USP14: variants seen among roughly 807,000 people sequenced by gnomAD.
USP14 encodes the protein ubiquitin specific peptidase 14.
A neutral mutation model predicts 76.5 loss-of-function variants in USP14; 38 were observed. The observed-to-expected ratio is 0.50, with a 90% confidence interval of 0.38 to 0.65. The LOEUF is 0.65. Ranked by LOEUF, USP14 falls within the 30% of genes least tolerant of loss-of-function variation. The pLI is 0.00. For missense variants in USP14, 467 were observed against 586.5 expected (o/e 0.80, Z 2.10); for synonymous variants, 192 against 191.7 (o/e 1.00, Z -0.01).
chr18:179,283 C>G (rs916184012), intron 4 of USP14, among the ~76,000 whole-genome samples: 5 of 151,782 alleles, frequency 3.3e-5, no homozygotes, highest in Admixed American at 1.3e-4. Flanking sequence ...TTTCAGACTT[C>G]CAAGTGAATT....
intron 3 of USP14, among the ~76,000 whole-genome samples, chr18:168,634 A>G (rs1909347571): frequency 6.7e-6 from 1 of 150,330 alleles, no homozygotes. Flanking sequence ...AGGGTTTCGC[A>G]ACGTTGGCCA....
At chr18:197,527 T>C in intron 7 of USP14, 89 bp from the exon 8 acceptor site, 1 of 1,018,158 alleles carries the variant, frequency 9.8e-7, no homozygotes, top group South Asian at 1.5e-5. Flanking sequence ...GAAACCACTT[T>C]CTTGCCTAGG....
At chr18:171,025 A>ATATATATATATATAT (rs1555762344) in intron 3 of USP14, among the ~76,000 whole-genome samples, 48 of 47,594 alleles carry the variant, frequency 1.0e-3, no homozygotes, top group East Asian at 2.8e-3. Flanking sequence ...AAAAAAAAAA[A>ATATATATATATATAT]ATATATATAT....
intron 13 of USP14, 112 bp downstream of exon 13, chr18:204,804 G>A (rs1311233454): frequency 8.4e-7 from 1 of 1,194,186 alleles, no homozygotes; most frequent in Non-Finnish European, 1.1e-6. Flanking sequence ...ACTATACTTT[G>A]TATAGTATTA....
At chr18:184,653 C>T (rs1429460030) in intron 5 of USP14, among the ~76,000 whole-genome samples, 1 of 152,074 alleles carries the variant, frequency 6.6e-6, no homozygotes. Flanking sequence ...GCCTGTAGTC[C>T]CAGCTACTCA....
chr18:204,208 C>A (rs62073493), intron 12 of USP14, among the ~76,000 whole-genome samples: 1 of 151,092 alleles, frequency 6.6e-6, no homozygotes, highest in Admixed American at 6.6e-5. Flanking sequence ...AAAAAAAAAC[C>A]ATAAGTTTAT....
chr18:166,749 AGTG>A (rs1909282607), intron 2 of USP14, 35 bp from the exon 3 acceptor site: 1 of 1,600,864 alleles, frequency 6.2e-7, no homozygotes, highest in Non-Finnish European at 8.6e-7. Flanking sequence ...CAGCTTGTAC[AGTG>A]GTGGTTAAAT....
At chr18:200,128 C>T (rs1165327134) in intron 10 of USP14, among the ~76,000 whole-genome samples, 1 of 152,182 alleles carries the variant, frequency 6.6e-6, no homozygotes, top group Non-Finnish European at 1.5e-5. Context: ...TTTTAAAGCA[C>T]TCAAGAAATG....
At chr18:204,440 G>T (rs1910469968) in intron 12 of USP14, 124 bp from the exon 13 acceptor site, 1 of 915,878 alleles carries the variant, frequency 1.1e-6, no homozygotes, top group Non-Finnish European at 1.5e-6. Context: ...ATTTCCAAGT[G>T]ATTTTCACAG....
intron 6 of USP14, among the ~76,000 whole-genome samples, chr18:194,606 G>A (rs1057091509): frequency 6.6e-6 from 1 of 152,072 alleles, no homozygotes; most frequent in Non-Finnish European, 1.5e-5. Context: ...CTAACAATAA[G>A]GACATTCATA....
At chr18:179,321 G>A (rs1354782244) in intron 4 of USP14, among the ~76,000 whole-genome samples, 3 of 151,650 alleles carry the variant, frequency 2.0e-5, no homozygotes, top group Non-Finnish European at 4.4e-5. Context: ...CATATATTTA[G>A]CTAATATCTG....
rs762045934 is a variant in USP14, at chr18:204,609, C to A, written c.1081C>A (p.Pro361Thr). The change falls in exon 13 of 16, where the codon CCA becomes ACA. Residue 361 changes from proline (P) to threonine (T), a missense_variant. Physicochemically the swap from Pro to Thr is conservative, Grantham distance 38. Coordinates refer to ENST00000261601, the MANE Select transcript of USP14 (RefSeq NM_005151.4). ...LMLDMYELCTPELQEKMVSFR... is the reference protein window; with the variant it reads ...LMLDMYELCTTELQEKMVSFR... ...GTTGGATATGTATGAACTGTGTACA[C>A]CAGAACTTCAAGAGAAAATGGTGTC... 1 of 1,613,012 alleles carries A rather than the reference C, an allele frequency of 6.2e-7. No homozygotes were observed. The highest frequency in any genetic ancestry group is 2.2e-5 in the East Asian group (1 of 44,764).
At chr18:187,562 C>T (rs1909963803) in intron 5 of USP14, among the ~76,000 whole-genome samples, 1 of 152,140 alleles carries the variant, frequency 6.6e-6, no homozygotes, top group Non-Finnish European at 1.5e-5. Flanking sequence ...GGAATATAGG[C>T]TGTCTCCCCA....
rs145131497 is a variant in USP14 at position 171,009 on chromosome 18, T to TAAAA, written c.195+4204_195+4207dup. ...CATCCTGGACATGTACCCTGGAACT[T>TAAAA]AAAAAAAAAAAAAAAAATATATATA... On this transcript the variant is annotated intron_variant, in intron 3 of 15. Transcript: ENST00000261601. Among the ~76,000 whole-genome samples, 45 of 91,708 alleles carry TAAAA rather than the reference T, an allele frequency of 4.9e-4. 1 individual carries two copies. The highest frequency in any genetic ancestry group is 1.7e-3 in the African/African-American group (36 of 21,504). 60.2% of individuals were successfully genotyped at this position (91,708 alleles called of 152,430 possible).
chr18:183,195 G>C (rs961361867), intron 5 of USP14, among the ~76,000 whole-genome samples: 1 of 152,102 alleles, frequency 6.6e-6, no homozygotes, highest in Admixed American at 6.5e-5. Flanking sequence ...CTAGGTCAAA[G>C]CCATTTTTCC....
At chr18:177,631 C>G (rs1041638343) in intron 3 of USP14, among the ~76,000 whole-genome samples, 2 of 118,082 alleles carry the variant, frequency 1.7e-5, no homozygotes, top group East Asian at 2.1e-4. Flanking sequence ...TTTTCCCTCC[C>G]TGTTTTTTTT....
chr18:173,362 T>C (rs372608565), intron 3 of USP14, among the ~76,000 whole-genome samples: 55 of 151,884 alleles, frequency 3.6e-4, no homozygotes, highest in African/African-American at 7.7e-4. Context: ...CAGCCCGCCT[T>C]GGCCTCCCAA....
chr18:159,575 T>G (rs1909059388), intron 1 of USP14, among the ~76,000 whole-genome samples: 1 of 152,212 alleles, frequency 6.6e-6, no homozygotes, highest in Non-Finnish European at 1.5e-5. Context: ...TTATTGAAGA[T>G]TCAGCATTTA....
intron 5 of USP14, among the ~76,000 whole-genome samples, 167 bp from the exon 6 acceptor site, chr18:192,675 A>G (rs1462708783): frequency 6.6e-6 from 1 of 152,184 alleles, no homozygotes; most frequent in Non-Finnish European, 1.5e-5. Flanking sequence ...TTTTTTCTCC[A>G]TATTTCTGGT....
Sources: allele counts gnomAD v4.1 joint callset (sites outside exome capture counted in the v4.1 genomes callset), GRCh38; gene constraint gnomAD v4.1.1; transcripts MANE v1.5; gene names NCBI Gene and HGNC (gene_info 2026-07-23, HGNC 2026-07-21).